Variants in DPP10 observed in about 807,000 individuals in gnomAD.
The protein encoded by DPP10 is dipeptidyl peptidase like 10.
A neutral mutation model predicts 120.9 loss-of-function variants in DPP10; 33 were observed. The ratio of observed to expected loss-of-function variants is 0.27; its 90% CI spans 0.21 to 0.37. The LOEUF is 0.37. Ranked by LOEUF, DPP10 falls within the 10% of genes least tolerant of loss-of-function variation. The pLI, the probability that DPP10 is intolerant of heterozygous loss-of-function variation, is 1.00. For synonymous variants in DPP10, 337 were observed against 326.1 expected (o/e 1.03, Z -0.36); for missense variants, 816 against 942.8 (o/e 0.87, Z 1.76).
At chr2:114,924,077 A>T (rs1695413495) in intron 1 of DPP10, among the ~76,000 whole-genome samples, 3 of 152,108 alleles carry the variant, frequency 2.0e-5, no homozygotes. Flanking sequence ...ATGCTGATTA[A>T]CTTGCTTTCT....
At chr2:115,431,090 A>G (rs1372857511) in intron 3 of DPP10, among the ~76,000 whole-genome samples, 1 of 152,248 alleles carries the variant, frequency 6.6e-6, no homozygotes, top group Non-Finnish European at 1.5e-5. Flanking sequence ...ACCCAGGGTT[A>G]TTATTCATGA....
At chr2:115,573,440 G>A (rs967300124) in intron 5 of DPP10, among the ~76,000 whole-genome samples, 1 of 151,276 alleles carries the variant, frequency 6.6e-6, no homozygotes, top group African/African-American at 2.4e-5. Context: ...CCGCCACCAC[G>A]CCCGGCTAAT....
At chr2:114,748,741 T>A (rs1289302346) in intron 1 of DPP10, among the ~76,000 whole-genome samples, 1 of 29,372 alleles carries the variant, frequency 3.4e-5, no homozygotes, top group African/African-American at 1.5e-4. Context: ...ACTCATCATT[T>A]TTTATGGCTG....
At chr2:115,402,875 A>ATATG (rs1167991546) in intron 3 of DPP10, among the ~76,000 whole-genome samples, 5 of 125,244 alleles carry the variant, frequency 4.0e-5, no homozygotes, top group African/African-American at 6.4e-5. Context: ...ATATATATAT[A>ATATG]TGTGTGTGTG....
intron 5 of DPP10, among the ~76,000 whole-genome samples, chr2:115,581,052 G>C (rs1320299190): frequency 6.6e-6 from 1 of 152,160 alleles, no homozygotes; most frequent in East Asian, 1.9e-4. Flanking sequence ...GAAATTGCCT[G>C]TAGGGCCTAA....
intron 5 of DPP10, among the ~76,000 whole-genome samples, chr2:115,561,870 C>A (rs943336949): frequency 4.6e-5 from 7 of 152,130 alleles, no homozygotes; most frequent in African/African-American, 1.7e-4. Flanking sequence ...CAAAGCAAAA[C>A]GAACACTTCC....
intron 11 of DPP10, among the ~76,000 whole-genome samples, chr2:115,761,520 G>A (rs946324852): frequency 1.3e-5 from 2 of 152,070 alleles, no homozygotes; most frequent in African/African-American, 4.8e-5. Flanking sequence ...GAAGTTTTGA[G>A]CTCTCAGGGG....
chr2:115,525,911 C>A lies in DPP10; in HGVS notation c.380C>A (p.Ala127Glu), dbSNP rs1270800232. 6.2e-7 allele frequency: 1 copy of A among 1,608,236 alleles called. No homozygotes were observed. Among genetic ancestry groups the A allele is most frequent in the Non-Finnish European group, 8.5e-7 (1 of 1,178,026 alleles). ...TTCTTTTTCTAGGTAACCTTCAAAGCATCAAGACATTCAGTTTCACCAGAT... is the reference window on the plus strand; with the variant it reads ...TTCTTTTTCTAGGTAACCTTCAAAGAATCAAGACATTCAGTTTCACCAGAT... ...LENTTFVTFK[A>E]SRHSVSPDLK... is the part of the protein sequence containing the mutation. Residue 127 changes from alanine (A) to glutamate (E), a missense_variant, in exon 5 of 26, where the codon GCA becomes GAA. By Grantham distance (107) the Ala-to-Glu change is moderately radical (BLOSUM62 -1). Around this residue, in one of 3 missense-constraint regions of DPP10, gnomAD observed 182 missense variants for 207.4 expected, o/e 0.88. Coordinates refer to ENST00000410059, the MANE Select transcript of DPP10 (RefSeq NM_020868.6).
chr2:115,164,634 T>A (rs1388098567), intron 1 of DPP10, among the ~76,000 whole-genome samples: 2 of 152,232 alleles, frequency 1.3e-5, no homozygotes, highest in Non-Finnish European at 2.9e-5. Flanking sequence ...CAAAGATGCC[T>A]TGTCCTGAGG....
At chr2:115,596,925 G>A (rs1287094478) in intron 5 of DPP10, among the ~76,000 whole-genome samples, 1 of 152,172 alleles carries the variant, frequency 6.6e-6, no homozygotes, top group Non-Finnish European at 1.5e-5. Context: ...CTAGAAAGTT[G>A]TATTTTGGCT....
At chr2:114,750,076 A>G (rs1037456713) in intron 1 of DPP10, among the ~76,000 whole-genome samples, 4 of 152,164 alleles carry the variant, frequency 2.6e-5, no homozygotes, top group Non-Finnish European at 5.9e-5. Flanking sequence ...TGTATCAAAT[A>G]CTTTTTTATA....
chr2:115,011,455 T>G (rs1702257647), intron 1 of DPP10, among the ~76,000 whole-genome samples: 2 of 152,212 alleles, frequency 1.3e-5, no homozygotes. Flanking sequence ...TTCTTAATTT[T>G]TAGGCACATA....
intron 1 of DPP10, among the ~76,000 whole-genome samples, chr2:114,796,064 T>C (rs2106258807): frequency 6.6e-6 from 1 of 152,342 alleles, no homozygotes; most frequent in Non-Finnish European, 1.5e-5. Context: ...CTCTGTGTGA[T>C]GCTAATCACC....
chr2:115,769,966 G>C (rs915558197), intron 13 of DPP10, among the ~76,000 whole-genome samples: 1 of 151,892 alleles, frequency 6.6e-6, no homozygotes, highest in Non-Finnish European at 1.5e-5. Context: ...AAAAATATAA[G>C]TAGTAAAGAA....
intron 5 of DPP10, among the ~76,000 whole-genome samples, chr2:115,539,075 G>A (rs2079034451): frequency 6.6e-6 from 1 of 151,708 alleles, no homozygotes; most frequent in Admixed American, 6.6e-5. Context: ...AGTGCTGCTC[G>A]GTGGATACAG....
intron 1 of DPP10, among the ~76,000 whole-genome samples, chr2:114,933,467 C>T (rs1199558082): frequency 1.3e-5 from 2 of 152,142 alleles, no homozygotes; most frequent in African/African-American, 4.8e-5. Context: ...CACTGAGATT[C>T]TAAACTGCAT....
chr2:115,354,160 T>A (rs904430757), intron 3 of DPP10, among the ~76,000 whole-genome samples: 1 of 152,176 alleles, frequency 6.6e-6, no homozygotes, highest in Non-Finnish European at 1.5e-5. Context: ...GTATTCTTTC[T>A]TGTCAACTTT....
At chr2:115,581,515 G>C (rs958902490) in intron 5 of DPP10, among the ~76,000 whole-genome samples, 2 of 152,024 alleles carry the variant, frequency 1.3e-5, no homozygotes, top group African/African-American at 2.4e-5. Context: ...CAATTTTCTT[G>C]CTCAGCCGCT....
In DPP10 at chr2:115,426,658, T is replaced by C. The variant is rs1574810803; in HGVS notation, c.272-72852T>C. Among the ~76,000 whole-genome samples, 3 of 152,078 alleles carry C rather than the reference T, an allele frequency of 2.0e-5. No homozygotes were observed. The East Asian group carries it at 5.8e-4, about 30-fold the overall frequency. On this transcript the variant is annotated intron_variant, in intron 3 of 25. Coordinates refer to ENST00000410059, the MANE Select transcript of DPP10 (RefSeq NM_020868.6). ...CACCTCCGACGCTGGAGATGACATT[T>C]CAACATGAGATTTTCACCAGGTGCC...
Sources: gnomAD v4.1 joint callset for allele counts (sites outside exome capture counted in the v4.1 genomes callset) on GRCh38, gnomAD v4.1.1 for gene constraint, gnomAD v4.1.1 regional missense constraint, MANE v1.5 for transcripts, NCBI Gene and HGNC (gene_info 2026-07-23, HGNC 2026-07-21) for gene names.